The following GATAD2B variants were observed in gnomAD, a reference collection of about 807,000 sequenced individuals.
GATAD2B encodes GATA zinc finger domain containing 2B, also known as transcriptional repressor p66-beta.
GATAD2B carries 8 observed loss-of-function variants against 64.3 expected under a neutral mutation model. The ratio of observed to expected loss-of-function variants is 0.12; its 90% CI spans 0.07 to 0.22. GATAD2B has a LOEUF of 0.22. Among genes scored for constraint, GATAD2B ranks in the 10% least tolerant of loss-of-function variants. The pLI is 1.00. For missense variants in GATAD2B, 453 were observed against 752.0 expected (o/e 0.60, Z 4.65); for synonymous variants, 281 against 271.3 (o/e 1.04, Z -0.35).
chr1:153,905,994 G>A (rs1677915042), intron 1 of GATAD2B, among the ~76,000 whole-genome samples: 1 of 150,768 alleles, frequency 6.6e-6, no homozygotes, highest in Non-Finnish European at 1.5e-5. Context: ...TTGAAACTGG[G>A]AGTCGGAGGT....
intron 1 of GATAD2B, among the ~76,000 whole-genome samples, chr1:153,867,455 G>A (rs549509944): frequency 1.8e-4 from 27 of 151,998 alleles, no homozygotes; most frequent in Non-Finnish European, 3.7e-4. Context: ...GTCACAGTGA[G>A]CTATGATTGC....
chr1:153,871,980 TAA>T (rs2101930837), intron 1 of GATAD2B, among the ~76,000 whole-genome samples: 1 of 152,134 alleles, frequency 6.6e-6, no homozygotes, highest in Admixed American at 6.6e-5. Context: ...AATTAATAAA[TAA>T]AAGTTAATTT....
intron 7 of GATAD2B, among the ~76,000 whole-genome samples, chr1:153,815,777 G>A (rs1420696023): frequency 6.6e-6 from 1 of 152,222 alleles, no homozygotes; most frequent in African/African-American, 2.4e-5. Flanking sequence ...GGCTGACGGG[G>A]TACAGTGGCT....
At chr1:153,854,479 A>G (rs1375544109) in intron 1 of GATAD2B, among the ~76,000 whole-genome samples, 1 of 152,194 alleles carries the variant, frequency 6.6e-6, no homozygotes, top group Non-Finnish European at 1.5e-5. Flanking sequence ...GAAATACCAC[A>G]GCATTAAGTA....
At chr1:153,899,820 G>C (rs1227403852) in intron 1 of GATAD2B, among the ~76,000 whole-genome samples, 2 of 152,152 alleles carry the variant, frequency 1.3e-5, no homozygotes, top group African/African-American at 4.8e-5. Context: ...TTGTAAACTG[G>C]TACAAATTTT....
rs1297074968 is a variant in GATAD2B, at chr1:153,865,186, A to G, written c.-1-36838T>C. 5.3e-5 allele frequency among the ~76,000 whole-genome samples: 8 copies of G among 152,336 alleles called. No individual in the cohort carries two copies. In the South Asian group the frequency reaches 8.3e-4, roughly 16 times the overall value. ...AATCTACGTCTAATTCTGGCCAGGCACAGTGGCTCACGCCTATAATCCCAG... is the reference window on the plus strand; with the variant it reads ...AATCTACGTCTAATTCTGGCCAGGCGCAGTGGCTCACGCCTATAATCCCAG... On this transcript the variant is annotated intron_variant, in intron 1 of 10. Transcript: ENST00000368655.
rs372651294 is a variant in GATAD2B, at chr1:153,885,594, G to A, written c.-2+37139C>T. Reference sequence around the variant, plus strand: ...AAAACTAGCTGAGTGTGGGCTGGGCGCGGTGGCTCATGCCTGTAATCCCAG... The same window carrying A: ...AAAACTAGCTGAGTGTGGGCTGGGCACGGTGGCTCATGCCTGTAATCCCAG... On this transcript the variant is annotated intron_variant, in intron 1 of 10. Transcript: ENST00000368655. Among the ~76,000 whole-genome samples, 10 of 151,854 alleles carry A rather than the reference G, an allele frequency of 6.6e-5. No individual in the cohort carries two copies. The East Asian group carries it at 9.7e-4, about 15-fold the overall frequency.
intron 1 of GATAD2B, among the ~76,000 whole-genome samples, chr1:153,857,521 G>A (rs1013302860): frequency 5.9e-5 from 9 of 152,016 alleles, no homozygotes; most frequent in African/African-American, 2.2e-4. Context: ...TCTACTGTAG[G>A]CACTAATTAA....
chr1:153,810,657 T>C (rs1343408126), intron 10 of GATAD2B, among the ~76,000 whole-genome samples: 2 of 152,166 alleles, frequency 1.3e-5, no homozygotes, highest in Non-Finnish European at 2.9e-5. Context: ...GGTTTCACCA[T>C]GTTGGCCAGG....
chr1:153,914,071 C>T (rs561941891), intron 1 of GATAD2B, among the ~76,000 whole-genome samples: 4 of 151,696 alleles, frequency 2.6e-5, no homozygotes, highest in Non-Finnish European at 4.4e-5. Context: ...AGTGAAACCC[C>T]ATGTCTACTA....
intron 1 of GATAD2B, among the ~76,000 whole-genome samples, chr1:153,840,808 T>C (rs955596320): frequency 3.9e-5 from 6 of 152,026 alleles, no homozygotes; most frequent in South Asian, 2.1e-4. Context: ...ACTGAAGAGA[T>C]TGTTCTTATT....
intron 2 of GATAD2B, among the ~76,000 whole-genome samples, chr1:153,821,545 G>A (rs556756407): frequency 6.6e-6 from 1 of 152,050 alleles, no homozygotes; most frequent in South Asian, 2.1e-4. Flanking sequence ...CAAATATGAG[G>A]AGTAACAGGC....
chr1:153,899,657 G>GT (rs1484707370), intron 1 of GATAD2B, among the ~76,000 whole-genome samples: 3 of 151,466 alleles, frequency 2.0e-5, no homozygotes, highest in Non-Finnish European at 4.4e-5. Context: ...AAAGACAACT[G>GT]TTTTTTTTGA....
chr1:153,856,650 C>T (rs1299372231), intron 1 of GATAD2B, among the ~76,000 whole-genome samples: 1 of 152,060 alleles, frequency 6.6e-6, no homozygotes, highest in Admixed American at 6.6e-5. Context: ...TAGCACACAC[C>T]TGTAATCCCA....
chr1:153,852,251 G>A, intron 1 of GATAD2B: 2 of 1,226,776 alleles, frequency 1.6e-6, no homozygotes, highest in Non-Finnish European at 1.2e-6. Flanking sequence ...AATCCATCAA[G>A]TCATCTAAAG....
At chr1:153,889,453 T>G (rs1194890435) in intron 1 of GATAD2B, among the ~76,000 whole-genome samples, 2 of 136,918 alleles carry the variant, frequency 1.5e-5, no homozygotes, top group East Asian at 2.1e-4. Flanking sequence ...AAACAAAGAA[T>G]GTACCATGTA....
In GATAD2B at chr1:153,816,711, G is replaced by A; in HGVS notation, c.901-123C>T. 2 of 621,900 alleles carry A rather than the reference G, an allele frequency of 3.2e-6. No homozygotes were observed. The highest frequency in any genetic ancestry group is 2.8e-6 in the Non-Finnish European group (1 of 353,180). The allele number at this position is 621,900 out of a possible 1,614,324, so 38.5% of individuals were successfully genotyped here. On this transcript the variant is annotated intron_variant, in intron 6 of 10. Coordinates refer to ENST00000368655, the MANE Select transcript of GATAD2B (RefSeq NM_020699.4). The surrounding 1 kb of genome is among the most constrained non-coding windows in gnomAD (Gnocchi z 4.9). ...TACTTAGCTTCTCCAAAAATAGGAG[G>A]TGGTCAACTTATTTATTGAAAAAGA...
chr1:153,837,143 C>T (rs1570945290), intron 1 of GATAD2B, among the ~76,000 whole-genome samples: 2 of 152,002 alleles, frequency 1.3e-5, no homozygotes, highest in African/African-American at 2.4e-5. Context: ...AAACCAGACA[C>T]AAAAGGATAA....
chr1:153,842,655 T>TGTAC (rs1262888295), intron 1 of GATAD2B, among the ~76,000 whole-genome samples: 4 of 146,204 alleles, frequency 2.7e-5, no homozygotes, highest in Non-Finnish European at 4.4e-5. Flanking sequence ...TATGTATGTA[T>TGTAC]GTATGTATGT....
Sources: allele counts gnomAD v4.1 joint callset (sites outside exome capture counted in the v4.1 genomes callset), GRCh38; gene constraint gnomAD v4.1.1; non-coding constraint Gnocchi (gnomAD v3.1); transcripts MANE v1.5; gene names NCBI Gene and HGNC (gene_info 2026-07-23, HGNC 2026-07-21).